The following GARNL3 variants were observed in gnomAD, a reference collection of about 807,000 sequenced individuals.
GARNL3 encodes the protein GTPase activating Rap/RanGAP domain like 3.
Under a neutral mutation model 125.0 loss-of-function variants are expected in GARNL3, and 63 were observed. That is an observed-to-expected ratio of 0.50 (90% CI 0.41 to 0.62). GARNL3 has a LOEUF of 0.62. Among genes scored for constraint, GARNL3 ranks in the 20% least tolerant of loss-of-function variants. The pLI is 0.00. For synonymous variants in GARNL3, 439 were observed against 457.5 expected (o/e 0.96, Z 0.52); for missense variants, 994 against 1,244.0 (o/e 0.80, Z 3.02).
chr9:127,370,974 A>G (rs1003602971), intron 22 of GARNL3, among the ~76,000 whole-genome samples: 10 of 151,940 alleles, frequency 6.6e-5, no homozygotes, highest in Non-Finnish European at 1.2e-4. Context: ...CTCGGACTCA[A>G]CCTGTCCACC....
chr9:127,388,315 C>CA (rs11336441), intron 25 of GARNL3: 12,513 of 124,948 alleles, frequency 0.1, 769 homozygotes, highest in Non-Finnish European at 0.14. Flanking sequence ...GACCTTGTCT[C>CA]AAAAAAAAAA....
intron 7 of GARNL3, among the ~76,000 whole-genome samples, chr9:127,331,752 C>CTTTTTTT (rs1460770554): frequency 2.4e-5 from 2 of 82,126 alleles, no homozygotes; most frequent in African/African-American, 4.8e-5. Context: ...TGTTTTGTGA[C>CTTTTTTT]TTCTTCAGAT....
chr9:127,335,644 T>C (rs1394148565), intron 10 of GARNL3, among the ~76,000 whole-genome samples: 1 of 152,204 alleles, frequency 6.6e-6, no homozygotes, highest in Admixed American at 6.5e-5. Context: ...TCTCTCTCTT[T>C]TTTTTTAATA....
chr9:127,277,376 C>A (rs1277967409), intron 1 of GARNL3, among the ~76,000 whole-genome samples: 1 of 150,388 alleles, frequency 6.6e-6, no homozygotes, highest in Non-Finnish European at 1.5e-5. Context: ...TCAAAAATTC[C>A]ATTTAACAAA....
intron 2 of GARNL3, among the ~76,000 whole-genome samples, chr9:127,306,400 T>A (rs746223036): frequency 3.3e-5 from 5 of 151,800 alleles, no homozygotes; most frequent in Non-Finnish European, 7.4e-5. Flanking sequence ...CTGGCCAACG[T>A]GACGAAACCC....
upstream of GARNL3, chr9:127,263,952 G>C: frequency 3.3e-6 from 5 of 1,526,106 alleles, no homozygotes; most frequent in Non-Finnish European, 4.4e-6. Context: ...GTGCCAAGAG[G>C]GCTGTAATTT....
At chr9:127,323,693 C>T (rs997512513) in intron 6 of GARNL3, among the ~76,000 whole-genome samples, 1 of 152,094 alleles carries the variant, frequency 6.6e-6, no homozygotes, top group Admixed American at 6.5e-5. Flanking sequence ...TTACAGGCCA[C>T]GTGACCTTAA....
chr9:127,352,925 C>G (rs1830488859), intron 17 of GARNL3, among the ~76,000 whole-genome samples: 1 of 152,214 alleles, frequency 6.6e-6, no homozygotes, highest in Non-Finnish European at 1.5e-5. Flanking sequence ...AGCCACTTCT[C>G]CTGCCCCAAA....
At chr9:127,320,504 C>G (rs1426433120) in intron 5 of GARNL3, among the ~76,000 whole-genome samples, 2 of 152,246 alleles carry the variant, frequency 1.3e-5, no homozygotes, top group Non-Finnish European at 2.9e-5. Context: ...CCTGATTTCT[C>G]TCTCCCTCTC....
At chr9:127,367,768 A>G (rs909835534) in intron 22 of GARNL3, among the ~76,000 whole-genome samples, 6 of 152,192 alleles carry the variant, frequency 3.9e-5, no homozygotes, top group East Asian at 1.9e-4. Context: ...AAAAGCTCGC[A>G]TAAGTGCCCC....
Position 127,291,258 on chromosome 9 carries a change from C to G in GARNL3, c.219+16C>G. The G allele has an allele frequency of 6.2e-7, 1 of 1,607,786 alleles. No homozygotes were observed. Among genetic ancestry groups the G allele is most frequent in the South Asian group, 1.1e-5 (1 of 90,862 alleles). On this transcript the variant is annotated intron_variant, in intron 2 of 27. Coordinates refer to ENST00000373387, the MANE Select transcript of GARNL3 (RefSeq NM_032293.5). The stretch of plus-strand genomic sequence containing the variant: ...TTCAGATGAGGTAAGGAAGCCTCCC[C>G]ACTTCCTGTAATGCCACCAAGCACA...
upstream of GARNL3, chr9:127,264,632 T>C (rs1243747026): frequency 1.8e-6 from 2 of 1,134,606 alleles, no homozygotes; most frequent in Admixed American, 9.6e-5. Flanking sequence ...CCTCTCTGGT[T>C]ATACAGAAAT....
intron 1 of GARNL3, among the ~76,000 whole-genome samples, chr9:127,279,280 T>C (rs988652462): frequency 2.0e-5 from 3 of 152,180 alleles, no homozygotes; most frequent in Admixed American, 6.5e-5. Context: ...CCTTAAAACA[T>C]TGCACCTCTG....
At chr9:127,336,053 G>T (rs1829535315) in intron 10 of GARNL3, 75 bp from the exon 11 acceptor site, 1 of 1,080,202 alleles carries the variant, frequency 9.3e-7, no homozygotes, top group Non-Finnish European at 1.4e-6. Flanking sequence ...GTTATATTGG[G>T]TTATGTTTTT....
At chr9:127,226,362 C>G (rs1401893021) in intron 1 of GARNL3, among the ~76,000 whole-genome samples, 1 of 152,250 alleles carries the variant, frequency 6.6e-6, no homozygotes, top group Non-Finnish European at 1.5e-5. Context: ...ATCCTCAGTT[C>G]TTGGCATTCC....
intron 1 of GARNL3, among the ~76,000 whole-genome samples, chr9:127,287,345 A>T (rs2064280110): frequency 6.6e-6 from 1 of 152,214 alleles, no homozygotes; most frequent in Non-Finnish European, 1.5e-5. Context: ...CTTCTCCCAA[A>T]AAAAGAAAGT....
rs79517462 is a variant in GARNL3 at position 127,289,118 on chromosome 9, T to C, written c.145-2050T>C. On this transcript the variant is annotated intron_variant, in intron 1 of 27. Coordinates refer to ENST00000373387, the MANE Select transcript of GARNL3 (RefSeq NM_032293.5). ...AAACCCACAAAGAAGCTGTTGATGCTGAATCCTCTATACTTCCCCTGTGAA... is the reference window on the plus strand; with the variant it reads ...AAACCCACAAAGAAGCTGTTGATGCCGAATCCTCTATACTTCCCCTGTGAA... 5.6e-3 allele frequency among the ~76,000 whole-genome samples: 856 copies of C among 152,328 alleles called. 5 individuals are homozygous for C. The highest frequency in any genetic ancestry group is 0.019 in the African/African-American group (806 of 41,576).
At chr9:127,340,061 ATGTATC>A (rs543708596) in intron 13 of GARNL3, among the ~76,000 whole-genome samples, 1,569 of 152,124 alleles carry the variant, frequency 0.01, 14 homozygotes, top group Non-Finnish European at 0.015. Flanking sequence ...CTGCTTGTAT[ATGTATC>A]TGTATCTGTC....
intron 20 of GARNL3, 116 bp downstream of exon 20, chr9:127,355,588 A>G: frequency 2.2e-6 from 2 of 889,802 alleles, no homozygotes; most frequent in Non-Finnish European, 1.8e-6. Flanking sequence ...GTAGCCAACT[A>G]GGGAAACCCT....
Sources: gnomAD v4.1 joint callset for allele counts (sites outside exome capture counted in the v4.1 genomes callset) on GRCh38, gnomAD v4.1.1 for gene constraint, MANE v1.5 for transcripts, NCBI Gene and HGNC (gene_info 2026-07-23, HGNC 2026-07-21) for gene names.